Variants in TFB1M observed in about 807,000 individuals in gnomAD.
TFB1M encodes the protein transcription factor B1, mitochondrial.
In TFB1M, 27 loss-of-function variants were observed where a neutral mutation model predicts 31.1. The ratio of observed to expected loss-of-function variants is 0.87; its 90% CI spans 0.64 to 1.20. The LOEUF (loss-of-function observed/expected upper bound fraction) is 1.20, where lower values mean the gene tolerates loss of function less well. Among genes scored for constraint, TFB1M ranks in the 50% most tolerant of loss-of-function variants. The pLI is 0.00. For synonymous variants in TFB1M, 166 were observed against 151.8 expected (o/e 1.09, Z -0.69); for missense variants, 394 against 418.7 (o/e 0.94, Z 0.51).
At chr6:155,309,653 G>A (rs1777934880) in intron 2 of TFB1M, among the ~76,000 whole-genome samples, 3 of 152,076 alleles carry the variant, frequency 2.0e-5, no homozygotes, top group South Asian at 4.1e-4. Flanking sequence ...AGATATGAGG[G>A]ACAAGAAGTC....
intron 2 of TFB1M, among the ~76,000 whole-genome samples, chr6:155,305,798 A>G (rs1291194819): frequency 7.5e-6 from 1 of 133,492 alleles, no homozygotes; most frequent in East Asian, 2.0e-4. Flanking sequence ...ATTTTTAGTG[A>G]TCTTGGTTTG....
At chr6:155,280,554 G>A (rs1166929688) in intron 5 of TFB1M, among the ~76,000 whole-genome samples, 1 of 152,126 alleles carries the variant, frequency 6.6e-6, no homozygotes, top group Non-Finnish European at 1.5e-5. Context: ...TCTCCTGAGG[G>A]CCCTTGTCAA....
Position 155,256,506 on chromosome 6 carries a change from C to T in TFB1M, c.*1330G>A, listed in dbSNP as rs963957640. The T allele has an allele frequency of 1.9e-6, 3 of 1,614,070 alleles. No homozygotes were observed. Among genetic ancestry groups the T allele is most frequent in the African/African-American group, 2.7e-5 (2 of 74,928 alleles). On this transcript the variant is annotated 3_prime_UTR_variant, in exon 7 of 7. Coordinates refer to ENST00000367166, the MANE Select transcript of TFB1M (RefSeq NM_016020.4). ...TAGCTTCATCCAGGTCTTTAAAAGTCCTGAAGAATTCCTCCAGCAACGAGT... is the reference window on the plus strand; with the variant it reads ...TAGCTTCATCCAGGTCTTTAAAAGTTCTGAAGAATTCCTCCAGCAACGAGT...
intron 5 of TFB1M, chr6:155,276,184 C>T: frequency 4.3e-6 from 7 of 1,614,074 alleles, no homozygotes; most frequent in Non-Finnish European, 5.9e-6. Flanking sequence ...TTCCAGAAAG[C>T]AACAAACATG....
Position 155,257,123 on chromosome 6 carries a change from A to ATGAT in TFB1M, c.*709_*712dup. On this transcript the variant is annotated 3_prime_UTR_variant, in exon 7 of 7. Coordinates refer to ENST00000367166, the MANE Select transcript of TFB1M (RefSeq NM_016020.4). The stretch of plus-strand genomic sequence containing the variant: ...ACAGAGAGCCACGGAAAATCATAGT[A>ATGAT]TGATTCAATCCAGATATGGGTTAAA... 6.4e-7 allele frequency: 1 copy of ATGAT among 1,570,066 alleles called. No individual in the cohort carries two copies. Among genetic ancestry groups the ATGAT allele is most frequent in the Non-Finnish European group, 8.7e-7 (1 of 1,152,066 alleles).
intron 1 of TFB1M, 110 bp from the exon 2 acceptor site, chr6:155,311,449 T>A (rs1420317960): frequency 1.2e-6 from 1 of 856,004 alleles, no homozygotes; most frequent in Admixed American, 2.0e-5. Flanking sequence ...AATCAATTGA[T>A]CCTTTATGTA....
chr6:155,248,039 G>T, the TFB1M span: 2 of 1,614,172 alleles, frequency 1.2e-6, no homozygotes, highest in Non-Finnish European at 1.7e-6. Context: ...CTGGACGCCC[G>T]GAACCCCACC....
At chr6:155,284,052 T>C (rs919793426) in intron 5 of TFB1M, among the ~76,000 whole-genome samples, 5 of 152,228 alleles carry the variant, frequency 3.3e-5, no homozygotes, top group Non-Finnish European at 5.9e-5. Flanking sequence ...GCAAGCTCCC[T>C]GAGCTCGATT....
the TFB1M span, among the ~76,000 whole-genome samples, chr6:155,235,789 T>G: frequency 6.6e-6 from 1 of 152,348 alleles, no homozygotes; most frequent in South Asian, 2.1e-4. Flanking sequence ...TTTTGGGAGT[T>G]AATCTTACCA....
chr6:155,250,758 C>A, the TFB1M span: 3 of 1,130,688 alleles, frequency 2.7e-6, no homozygotes, highest in Non-Finnish European at 2.5e-6. Flanking sequence ...TTTTCAAAAG[C>A]TCCACCGTTT....
At chr6:155,296,875 G>T in intron 4 of TFB1M, 78 bp downstream of exon 4, 1 of 1,316,280 alleles carries the variant, frequency 7.6e-7, no homozygotes, top group Non-Finnish European at 1.1e-6. Flanking sequence ...AACACAGACT[G>T]TGGTAAAAAT....
chr6:155,309,770 A>G (rs1308660458), intron 2 of TFB1M, among the ~76,000 whole-genome samples: 3 of 152,174 alleles, frequency 2.0e-5, no homozygotes, highest in Non-Finnish European at 4.4e-5. Flanking sequence ...TTATAATCTC[A>G]TGATCTCACC....
chr6:155,269,146 G>A (rs1784805375), intron 5 of TFB1M, among the ~76,000 whole-genome samples: 1 of 151,752 alleles, frequency 6.6e-6, no homozygotes, highest in Admixed American at 6.6e-5. Flanking sequence ...AAACTACCAA[G>A]AGAGGTAGGA....
chr6:155,236,852 T>A, the TFB1M span, among the ~76,000 whole-genome samples: 1 of 152,036 alleles, frequency 6.6e-6, no homozygotes, highest in African/African-American at 2.4e-5. Flanking sequence ...CCACAATACA[T>A]GAGAATTATT....
intron 2 of TFB1M, among the ~76,000 whole-genome samples, chr6:155,309,984 AT>A (rs1174832246): frequency 6.6e-6 from 1 of 152,148 alleles, no homozygotes; most frequent in East Asian, 1.9e-4. Context: ...ATATTATGTA[AT>A]TTTTTAAAGC....
At chr6:155,303,095 AC>A (rs2114793963) in intron 2 of TFB1M, 1 of 152,350 alleles carries the variant, frequency 6.6e-6, no homozygotes, top group East Asian at 1.9e-4. Context: ...GTGTGTTCTT[AC>A]CACAAATAAA....
chr6:155,314,260 G>A, intron 1 of TFB1M, 36 bp downstream of exon 1: 4 of 1,610,754 alleles, frequency 2.5e-6, no homozygotes, highest in Non-Finnish European at 3.4e-6. Context: ...CACGGACACT[G>A]GGGAGACATC....
At position 155,256,638 on chromosome 6, in the gene TFB1M, C is replaced by T. The variant is rs1463851280; in HGVS notation, c.*1198G>A. 2 of 1,614,176 alleles carry T rather than the reference C, an allele frequency of 1.2e-6. No homozygotes were observed. Among genetic ancestry groups the T allele is most frequent in the South Asian group, 1.1e-5 (1 of 91,084 alleles). Reference sequence around the variant, plus strand: ...CCACGGCTGAGGGCAGGCAGGACTCCAAGAGCACTTCTCCCGGGAAATACC... The same window carrying T: ...CCACGGCTGAGGGCAGGCAGGACTCTAAGAGCACTTCTCCCGGGAAATACC... On this transcript the variant is annotated 3_prime_UTR_variant, in exon 7 of 7. Transcript: ENST00000367166.
At chr6:155,277,827 A>G (rs1033699067) in intron 5 of TFB1M, among the ~76,000 whole-genome samples, 11 of 152,236 alleles carry the variant, frequency 7.2e-5, no homozygotes, top group Admixed American at 3.3e-4. Flanking sequence ...GATTTCATGC[A>G]AATTAATGTG....
Sources: gnomAD v4.1 joint callset for allele counts (sites outside exome capture counted in the v4.1 genomes callset) on GRCh38, gnomAD v4.1.1 for gene constraint, MANE v1.5 for transcripts, NCBI Gene and HGNC (gene_info 2026-07-23, HGNC 2026-07-21) for gene names.